Variants in FBLN2 observed in about 807,000 individuals in gnomAD.
FBLN2 encodes the protein fibulin 2, also known as fibulin-2.
In FBLN2, 81 loss-of-function variants were observed where a neutral mutation model predicts 123.7. That is an observed-to-expected ratio of 0.65 (90% CI 0.55 to 0.79). The LOEUF is 0.79. Among genes scored for constraint, FBLN2 ranks in the 30% least tolerant of loss-of-function variants. FBLN2 has a pLI of 0.00. For synonymous variants in FBLN2, 699 were observed against 701.4 expected (o/e 1.00, Z 0.05); for missense variants, 1,603 against 1,681.3 (o/e 0.95, Z 0.81).
chr3:13,628,821 C>T, intron 11 of FBLN2, 84 bp from the exon 12 acceptor site: 10 of 1,516,358 alleles, frequency 6.6e-6, no homozygotes, highest in Non-Finnish European at 8.9e-6. Flanking sequence ...CAGGACCGAC[C>T]CCCTCCCAGT....
At chr3:13,621,426 T>G (rs1359822353) in intron 8 of FBLN2, among the ~76,000 whole-genome samples, 1 of 152,100 alleles carries the variant, frequency 6.6e-6, no homozygotes, top group Non-Finnish European at 1.5e-5. Context: ...CCTGGTCCCC[T>G]AAGTACTGGA....
At chr3:13,587,155 A>AT (rs1262394816) in intron 2 of FBLN2, among the ~76,000 whole-genome samples, 3 of 132,670 alleles carry the variant, frequency 2.3e-5, no homozygotes, top group Non-Finnish European at 3.4e-5. Flanking sequence ...AAAAAAAAAA[A>AT]AAAAAATAAA....
At chr3:13,622,760 G>A (rs779833671) in intron 9 of FBLN2, among the ~76,000 whole-genome samples, 1 of 152,238 alleles carries the variant, frequency 6.6e-6, no homozygotes, top group Non-Finnish European at 1.5e-5. Context: ...TCAGAGAACT[G>A]TAAACCCTTG....
At chr3:13,628,372 G>GTGAC (rs534316647) in intron 11 of FBLN2, among the ~76,000 whole-genome samples, 312 of 152,268 alleles carry the variant, frequency 2.0e-3, no homozygotes, top group Admixed American at 4.7e-3. Context: ...AGTACTGCAT[G>GTGAC]TGACACCCAC....
At chr3:13,580,892 C>T (rs1369768667) in intron 2 of FBLN2, among the ~76,000 whole-genome samples, 2 of 152,192 alleles carry the variant, frequency 1.3e-5, no homozygotes, top group African/African-American at 4.8e-5. Context: ...CCTGGCCAGG[C>T]GTGGCTGACA....
intron 1 of FBLN2, among the ~76,000 whole-genome samples, chr3:13,549,837 C>T (rs1574935922): frequency 6.6e-6 from 1 of 152,148 alleles, no homozygotes; most frequent in African/African-American, 2.4e-5. Context: ...ATCTCTCACA[C>T]TCATCTCACG....
chr3:13,554,185 C>T (rs1450922966), intron 1 of FBLN2, among the ~76,000 whole-genome samples: 2 of 152,250 alleles, frequency 1.3e-5, no homozygotes, highest in African/African-American at 4.8e-5. Flanking sequence ...GGGAGGCGGA[C>T]AGTGCTGCTG....
intron 4 of FBLN2, 26 bp downstream of exon 4, chr3:13,609,668 G>GC: frequency 6.6e-7 from 1 of 1,513,060 alleles, no homozygotes; most frequent in Non-Finnish European, 8.8e-7. Context: ...GGCCTTCAAG[G>GC]CAGGGTGGGG....
intron 1 of FBLN2, among the ~76,000 whole-genome samples, chr3:13,563,211 C>T (rs530297638): frequency 6.6e-6 from 1 of 152,312 alleles, no homozygotes; most frequent in Non-Finnish European, 1.5e-5. Flanking sequence ...CCTGCCTCTG[C>T]CTGGTGTGTG....
intron 2 of FBLN2, among the ~76,000 whole-genome samples, chr3:13,572,874 G>T (rs1315319500): frequency 1.3e-5 from 2 of 152,282 alleles, no homozygotes; most frequent in Non-Finnish European, 2.9e-5. Context: ...CACAAGAGCT[G>T]GGGGCTTGCA....
intron 2 of FBLN2, among the ~76,000 whole-genome samples, chr3:13,595,641 G>A (rs1393948161): frequency 1.3e-5 from 2 of 152,148 alleles, no homozygotes; most frequent in East Asian, 1.9e-4. Flanking sequence ...GGGGCCTGGC[G>A]GAGATGGCCC....
In FBLN2 at chr3:13,618,811, C is replaced by T. The variant is rs934203761; in HGVS notation, c.1940-93C>T. 17 of 817,270 alleles carry T rather than the reference C, an allele frequency of 2.1e-5. No individual in the cohort carries two copies. In the African/African-American group the frequency reaches 2.6e-4, roughly 12 times the overall value. 50.6% of individuals were successfully genotyped at this position (817,270 alleles called of 1,614,324 possible). ...GGGTGGGGGATTAAATGTCAGTGCCCTGTGTGAGAAGGGCAGGTGCCTGGA... is the reference window on the plus strand; with the variant it reads ...GGGTGGGGGATTAAATGTCAGTGCCTTGTGTGAGAAGGGCAGGTGCCTGGA... On this transcript the variant is annotated intron_variant, in intron 6 of 17. Transcript: ENST00000404922.
At chr3:13,623,182 C>A (rs941383572) in intron 9 of FBLN2, among the ~76,000 whole-genome samples, 1 of 152,248 alleles carries the variant, frequency 6.6e-6, no homozygotes, top group African/African-American at 2.4e-5. Context: ...TGCTTGCCAG[C>A]AGCCGGCCAG....
chr3:13,549,186 G>T lies in FBLN2; in HGVS notation c.-64G>T, dbSNP rs1307850225. The T allele has an allele frequency of 5.1e-6, 5 of 983,292 alleles. No individual in the cohort carries two copies. Among genetic ancestry groups the T allele is most frequent in the Middle Eastern group, 5.2e-4 (1 of 1,910 alleles). The allele number at this position is 983,292 out of a possible 1,614,324, so 60.9% of individuals were successfully genotyped here. On this transcript the variant is annotated 5_prime_UTR_variant, in exon 1 of 18. Transcript: ENST00000404922. Reference sequence around the variant, plus strand: ...CGACGGCCGGGCGGACGGACGGACGGACGCCGAGCGCAGTGCCCCGCGGTG... The same window carrying T: ...CGACGGCCGGGCGGACGGACGGACGTACGCCGAGCGCAGTGCCCCGCGGTG...
chr3:13,620,071 G>A (rs1016238149), intron 8 of FBLN2, among the ~76,000 whole-genome samples: 4 of 152,168 alleles, frequency 2.6e-5, no homozygotes, highest in Non-Finnish European at 4.4e-5. Context: ...TGGGGCCCGG[G>A]CTCCTCACAT....
chr3:13,626,221 A>C (rs900356806), intron 9 of FBLN2, among the ~76,000 whole-genome samples: 1 of 152,194 alleles, frequency 6.6e-6, no homozygotes, highest in Admixed American at 6.5e-5. Context: ...ACTGATGTAC[A>C]CCCAGTGCCA....
At chr3:13,630,847 A>G in intron 15 of FBLN2, 32 bp downstream of exon 15, 2 of 1,498,990 alleles carry the variant, frequency 1.3e-6, no homozygotes, top group South Asian at 1.2e-5. Flanking sequence ...GCCCCCTTCC[A>G]GAGAGTCACT....
At chr3:13,605,596 C>A (rs931481903) in intron 2 of FBLN2, among the ~76,000 whole-genome samples, 35 of 152,102 alleles carry the variant, frequency 2.3e-4, no homozygotes, top group African/African-American at 8.0e-4. Context: ...TCCTCATCCT[C>A]CCCCCCAGTG....
At chr3:13,588,785 C>T (rs577681425) in intron 2 of FBLN2, among the ~76,000 whole-genome samples, 84 of 152,272 alleles carry the variant, frequency 5.5e-4, no homozygotes, top group Non-Finnish European at 1.0e-3. Flanking sequence ...GGTATGTTTA[C>T]GTTTCTCATA....
Sources: gnomAD v4.1 joint callset for allele counts (sites outside exome capture counted in the v4.1 genomes callset) on GRCh38, gnomAD v4.1.1 for gene constraint, MANE v1.5 for transcripts, NCBI Gene and HGNC (gene_info 2026-07-23, HGNC 2026-07-21) for gene names.